Variants in CNBD1 observed in about 807,000 individuals in gnomAD.
CNBD1 encodes cyclic nucleotide-binding domain-containing protein 1.
Under a neutral mutation model 54.4 loss-of-function variants are expected in CNBD1, and 71 were observed. The ratio of observed to expected loss-of-function variants is 1.30; its 90% confidence interval spans 1.08 to 1.59. CNBD1 has a LOEUF of 1.59. Among genes scored for constraint, CNBD1 ranks in the 40% most tolerant of loss-of-function variants. The pLI is 0.00. For synonymous variants in CNBD1, 182 were observed against 170.7 expected, an observed-to-expected ratio of 1.07 and a Z score of -0.51; for missense variants, 659 against 518.0, an observed-to-expected ratio of 1.27 and a Z score of -2.64.
chr8:87,234,339 C>T (rs1807529119), intron 5 of CNBD1, among the ~76,000 whole-genome samples: 2 of 152,150 alleles, frequency 1.3e-5, no homozygotes, highest in Non-Finnish European at 2.9e-5. Flanking sequence ...TGCCCAGCTC[C>T]ATCAGAATAA....
intron 3 of CNBD1, among the ~76,000 whole-genome samples, chr8:86,925,923 G>A (rs114491633): frequency 0.022 from 3,355 of 152,118 alleles, 130 homozygotes; most frequent in African/African-American, 0.076. Context: ...GGTTTATTGC[G>A]AAGAGTGAAA....
At chr8:87,295,578 T>C (rs1808863029) in intron 8 of CNBD1, among the ~76,000 whole-genome samples, 1 of 152,092 alleles carries the variant, frequency 6.6e-6, no homozygotes, top group African/African-American at 2.4e-5. Flanking sequence ...GATGGAGCTT[T>C]TCATCAGTAA....
intron 1 of CNBD1, 148 bp downstream of exon 1, chr8:86,866,731 G>A: frequency 1.6e-6 from 1 of 638,350 alleles, no homozygotes; most frequent in Non-Finnish European, 2.8e-6. Context: ...GAACATAGAT[G>A]TGTAAATCCT....
intron 4 of CNBD1, among the ~76,000 whole-genome samples, chr8:87,122,084 G>C (rs887013113): frequency 9.9e-5 from 15 of 151,820 alleles, no homozygotes; most frequent in East Asian, 7.7e-4. Flanking sequence ...TGTATACTCA[G>C]AAGTAGAATT....
At chr8:86,876,976 TC>T (rs1808529702) in intron 1 of CNBD1, among the ~76,000 whole-genome samples, 2 of 152,190 alleles carry the variant, frequency 1.3e-5, no homozygotes, top group East Asian at 3.9e-4. Flanking sequence ...ATAGTTTGAT[TC>T]TATACCTAAA....
intron 3 of CNBD1, among the ~76,000 whole-genome samples, chr8:86,914,529 C>A (rs1227892602): frequency 6.6e-6 from 1 of 152,288 alleles, no homozygotes; most frequent in Non-Finnish European, 1.5e-5. Context: ...CCAAATGATG[C>A]ATTTCTCAGA....
At chr8:86,975,206 A>G (rs1436497479) in intron 4 of CNBD1, among the ~76,000 whole-genome samples, 1 of 152,068 alleles carries the variant, frequency 6.6e-6, no homozygotes, top group East Asian at 1.9e-4. Context: ...AGGTAAATTA[A>G]TATATCTGTC....
chr8:86,866,544 A>G lies in CNBD1; in HGVS notation c.49A>G (p.Ile17Val), dbSNP rs1364636864. 2 of 1,612,246 alleles carry G rather than the reference A, an allele frequency of 1.2e-6. No individual in the cohort carries two copies. Among genetic ancestry groups the G allele is most frequent in the Middle Eastern group, 1.7e-4 (1 of 6,058 alleles). ...PAAILSHMTAINNVPPPPLHS... is the reference protein window; with the variant it reads ...PAAILSHMTAVNNVPPPPLHS... Reference sequence around the variant, plus strand: ...AGCTATTTTGTCTCACATGACAGCTATTAACAATGTGCCTCCTCCTCCACT... The same window carrying G: ...AGCTATTTTGTCTCACATGACAGCTGTTAACAATGTGCCTCCTCCTCCACT... The change falls in exon 1 of 11, where the codon ATT becomes GTT. Residue 17 changes from isoleucine (I) to valine (V), a missense_variant. Coordinates refer to ENST00000518476, the MANE Select transcript of CNBD1 (RefSeq NM_173538.3).
At chr8:87,232,978 A>G (rs1171424525) in intron 5 of CNBD1, among the ~76,000 whole-genome samples, 3 of 152,152 alleles carry the variant, frequency 2.0e-5, no homozygotes, top group Non-Finnish European at 4.4e-5. Flanking sequence ...TTTCATCTAC[A>G]TGTTTAAAAT....
chr8:87,129,299 T>C (rs1207330675), intron 4 of CNBD1, among the ~76,000 whole-genome samples: 3 of 151,980 alleles, frequency 2.0e-5, no homozygotes, highest in South Asian at 2.1e-4. Flanking sequence ...GGGCCAAAAG[T>C]CGTCTTTGTG....
At chr8:87,113,506 A>T (rs1461843994) in intron 4 of CNBD1, among the ~76,000 whole-genome samples, 1 of 152,214 alleles carries the variant, frequency 6.6e-6, no homozygotes, top group Non-Finnish European at 1.5e-5. Context: ...TGGGTGCTAA[A>T]TTAATGTTAT....
intron 3 of CNBD1, chr8:87,428,616 A>C: frequency 2.2e-6 from 1 of 454,052 alleles, no homozygotes; most frequent in South Asian, 1.6e-5. Context: ...TGACAGATGT[A>C]AGTAAAATGT....
chr8:86,962,334 T>G (rs1807951904), intron 4 of CNBD1, among the ~76,000 whole-genome samples: 1 of 152,214 alleles, frequency 6.6e-6, no homozygotes, highest in Non-Finnish European at 1.5e-5. Context: ...GGACATCTAC[T>G]TTTAAATAAG....
chr8:87,206,886 C>T (rs1406592267), intron 5 of CNBD1, among the ~76,000 whole-genome samples: 3 of 152,118 alleles, frequency 2.0e-5, no homozygotes, highest in Admixed American at 6.6e-5. Flanking sequence ...TGCTTAGAAT[C>T]GAGTTTCAAA....
intron 6 of CNBD1, among the ~76,000 whole-genome samples, chr8:87,266,097 T>C (rs1163021067): frequency 1.3e-5 from 2 of 152,010 alleles, no homozygotes; most frequent in Non-Finnish European, 2.9e-5. Flanking sequence ...GGGTTCAATA[T>C]AGCTAAATTA....
chr8:87,320,005 G>C lies in CNBD1; in HGVS notation c.1043-31680G>C, dbSNP rs554784291. 1.8e-4 allele frequency among the ~76,000 whole-genome samples: 27 copies of C among 152,094 alleles called. No homozygotes were observed. In the South Asian group the frequency reaches 5.0e-3, roughly 28 times the overall value. On this transcript the variant is annotated intron_variant, in intron 8 of 10. Coordinates refer to ENST00000518476, the MANE Select transcript of CNBD1 (RefSeq NM_173538.3). ...TGAATTTCAAAAAGTATGTCCCCTA[G>C]CTTGGAAACTTCTCAGAATAATGAA...
chr8:87,359,945 C>A (rs543824437), intron 10 of CNBD1, among the ~76,000 whole-genome samples: 4 of 151,950 alleles, frequency 2.6e-5, no homozygotes, highest in African/African-American at 9.7e-5. Context: ...GTTGCCTTCA[C>A]TTTCTAATTT....
intron 4 of CNBD1, among the ~76,000 whole-genome samples, chr8:87,110,521 G>T (rs917254743): frequency 3.9e-5 from 6 of 152,148 alleles, no homozygotes; most frequent in African/African-American, 1.4e-4. Context: ...GGGTGTAATA[G>T]CTTGTCGTTT....
At chr8:87,312,109 T>C (rs1396723796) in intron 8 of CNBD1, among the ~76,000 whole-genome samples, 1 of 151,942 alleles carries the variant, frequency 6.6e-6, no homozygotes, top group African/African-American at 2.4e-5. Context: ...AGAGTTGAAA[T>C]TATGAAAAAG....
Sources: allele counts gnomAD v4.1 joint callset (sites outside exome capture counted in the v4.1 genomes callset), GRCh38; gene constraint gnomAD v4.1.1; transcripts MANE v1.5; gene names NCBI Gene and HGNC (gene_info 2026-07-23, HGNC 2026-07-21).